FAM107B: variants seen among roughly 807,000 people sequenced by gnomAD.
The protein encoded by FAM107B is protein FAM107B.
In FAM107B, 21 loss-of-function variants were observed where a neutral mutation model predicts 31.5. The ratio of observed to expected loss-of-function variants is 0.67; its 90% CI spans 0.47 to 0.96. FAM107B has a LOEUF of 0.96. Among genes scored for constraint, FAM107B ranks in the 40% least tolerant of loss-of-function variants. FAM107B has a pLI of 0.00. For missense variants in FAM107B, 452 were observed against 377.1 expected (o/e 1.20, Z -1.64); for synonymous variants, 157 against 141.5 (o/e 1.11, Z -0.78).
At chr10:14,615,031 T>G (rs1368483949) in intron 2 of FAM107B, among the ~76,000 whole-genome samples, 1 of 152,126 alleles carries the variant, frequency 6.6e-6, no homozygotes, top group Non-Finnish European at 1.5e-5. Context: ...TGCTTGTTTT[T>G]AAAAATGGCA....
intron 2 of FAM107B, among the ~76,000 whole-genome samples, chr10:14,572,761 T>TATATATATATATATATTATATA (rs1554835550): frequency 1.3e-5 from 1 of 76,038 alleles, no homozygotes; most frequent in Non-Finnish European, 2.7e-5. Flanking sequence ...ATATATATAT[T>TATATATATATATATATTATATA]AGAGTGTGTG....
intron 1 of FAM107B, among the ~76,000 whole-genome samples, chr10:14,718,021 CAGG>C (rs1855819850): frequency 6.6e-6 from 1 of 151,940 alleles, no homozygotes; most frequent in Non-Finnish European, 1.5e-5. Context: ...CCTGGGGGTC[CAGG>C]AGAAGAAATA....
chr10:14,703,129 G>C (rs998362259), intron 1 of FAM107B, among the ~76,000 whole-genome samples: 4 of 152,032 alleles, frequency 2.6e-5, no homozygotes. Context: ...GGCCACAAAG[G>C]TTGGGCCCCA....
intron 2 of FAM107B, among the ~76,000 whole-genome samples, chr10:14,579,541 G>A (rs1053200361): frequency 2.0e-5 from 3 of 152,012 alleles, no homozygotes; most frequent in African/African-American, 4.8e-5. Flanking sequence ...TGCAACCCTG[G>A]GCTTTATCAA....
At chr10:14,767,941 T>C (rs1027474253) in intron 1 of FAM107B, among the ~76,000 whole-genome samples, 4 of 152,104 alleles carry the variant, frequency 2.6e-5, no homozygotes, top group African/African-American at 9.7e-5. Flanking sequence ...AACTAATAAA[T>C]AAATTCAGCA....
At chr10:14,740,036 A>G (rs999966581) in intron 1 of FAM107B, among the ~76,000 whole-genome samples, 1 of 152,250 alleles carries the variant, frequency 6.6e-6, no homozygotes, top group Non-Finnish European at 1.5e-5. Flanking sequence ...AAAATGATAC[A>G]GCTACTTTGA....
chr10:14,676,271 A>G, intron 1 of FAM107B, among the ~76,000 whole-genome samples: 1 of 151,454 alleles, frequency 6.6e-6, no homozygotes, highest in Non-Finnish European at 1.5e-5. Context: ...CCCAATATCC[A>G]ACACCACCAT....
chr10:14,602,177 C>A (rs1852420809), intron 2 of FAM107B, among the ~76,000 whole-genome samples: 1 of 152,174 alleles, frequency 6.6e-6, no homozygotes, highest in South Asian at 2.1e-4. Context: ...CACTCACAGG[C>A]TACTACTGCA....
chr10:14,544,795 TCATC>T (rs747828125), intron 2 of FAM107B, among the ~76,000 whole-genome samples: 1 of 152,202 alleles, frequency 6.6e-6, no homozygotes, highest in Non-Finnish European at 1.5e-5. Flanking sequence ...CAGCTTAAAA[TCATC>T]CATTATTAGA....
At chr10:14,689,127 G>A (rs1035763320) in intron 1 of FAM107B, among the ~76,000 whole-genome samples, 1 of 152,138 alleles carries the variant, frequency 6.6e-6, no homozygotes, top group Non-Finnish European at 1.5e-5. Context: ...GTGGCCAGGT[G>A]CGGTGGCTCA....
intron 1 of FAM107B, among the ~76,000 whole-genome samples, chr10:14,689,827 G>A (rs1055475769): frequency 1.3e-5 from 2 of 151,982 alleles, no homozygotes; most frequent in Non-Finnish European, 2.9e-5. Context: ...GCTGGGTGTG[G>A]TAGTGCATTC....
intron 1 of FAM107B, among the ~76,000 whole-genome samples, chr10:14,772,362 A>AAAAAAAATATATATATATAT (rs10651238): frequency 6.9e-6 from 1 of 145,586 alleles, no homozygotes; most frequent in Admixed American, 6.8e-5. Flanking sequence ...TTAAAAAAAA[A>AAAAAAAATATATATATATAT]ATATATATAT....
intron 1 of FAM107B, among the ~76,000 whole-genome samples, chr10:14,693,784 G>C (rs541919150): frequency 1.3e-5 from 2 of 152,044 alleles, no homozygotes; most frequent in African/African-American, 4.8e-5. Context: ...CCACCCCTGG[G>C]AACCACTGTT....
At chr10:14,673,635 C>T (rs988560467) in intron 1 of FAM107B, among the ~76,000 whole-genome samples, 2 of 150,866 alleles carry the variant, frequency 1.3e-5, no homozygotes, top group Non-Finnish European at 3.0e-5. Flanking sequence ...TGATCTCCTT[C>T]CCTTTGGATG....
intron 1 of FAM107B, among the ~76,000 whole-genome samples, chr10:14,688,692 G>C (rs1035859697): frequency 1.3e-5 from 2 of 152,144 alleles, no homozygotes; most frequent in South Asian, 4.1e-4. Context: ...AATTTAAGTG[G>C]TGCTCAACGT....
intron 2 of FAM107B, among the ~76,000 whole-genome samples, chr10:14,601,891 T>C (rs1054227986): frequency 6.6e-6 from 1 of 152,194 alleles, no homozygotes; most frequent in Non-Finnish European, 1.5e-5. Context: ...CTTGTGAGAT[T>C]TTAAACAATT....
chr10:14,726,144 C>T (rs1295208944), intron 1 of FAM107B, among the ~76,000 whole-genome samples: 1 of 152,158 alleles, frequency 6.6e-6, no homozygotes, highest in Admixed American at 6.5e-5. Context: ...CAGGCTTGCA[C>T]CACCACACCT....
chr10:14,770,052 T>C lies in FAM107B; in HGVS notation c.411+4201A>G, dbSNP rs546634585. Reference sequence around the variant, plus strand: ...AACATGGAGTGCCGTCCTGTGTTTGTATTCCATCCGGTGCTGAGCCATAAG... The same window carrying C: ...AACATGGAGTGCCGTCCTGTGTTTGCATTCCATCCGGTGCTGAGCCATAAG... On this transcript the variant is annotated intron_variant, in intron 1 of 4. Coordinates refer to ENST00000181796, the MANE Select transcript of FAM107B (RefSeq NM_031453.4). Among the ~76,000 whole-genome samples, 305 of 152,320 alleles carry C rather than the reference T, an allele frequency of 2.0e-3. 1 individual carries two copies. Among genetic ancestry groups the C allele is most frequent in the Non-Finnish European group, 3.6e-3 (244 of 68,026 alleles).
At chr10:14,694,783 T>C (rs1456718313) in intron 1 of FAM107B, among the ~76,000 whole-genome samples, 1 of 152,242 alleles carries the variant, frequency 6.6e-6, no homozygotes, top group Non-Finnish European at 1.5e-5. Context: ...CCTTTGCATA[T>C]TAATGTTGGC....
Sources: allele counts gnomAD v4.1 joint callset (sites outside exome capture counted in the v4.1 genomes callset), GRCh38; gene constraint gnomAD v4.1.1; transcripts MANE v1.5; gene names NCBI Gene and HGNC (gene_info 2026-07-23, HGNC 2026-07-21).